Variants in STAB2 observed in about 807,000 individuals in gnomAD.
STAB2 encodes the protein stabilin-2.
Under a neutral mutation model 338.1 loss-of-function variants are expected in STAB2, and 288 were observed. The ratio of observed to expected loss-of-function variants is 0.85; its 90% CI spans 0.77 to 0.94. The LOEUF (loss-of-function observed/expected upper bound fraction) is 0.94, where lower values mean the gene tolerates loss of function less well. STAB2 is among the 40% of genes least tolerant of loss of function. STAB2 has a pLI of 0.00. For missense variants in STAB2, 3,141 were observed against 3,210.1 expected, an observed-to-expected ratio of 0.98 and a Z score of 0.52; for synonymous variants, 1,202 against 1,193.3, an observed-to-expected ratio of 1.01 and a Z score of -0.15.
intron 6 of STAB2, among the ~76,000 whole-genome samples, 154 bp from the exon 7 acceptor site, chr12:103,636,957 A>C (rs1269179886): frequency 1.3e-5 from 2 of 152,246 alleles, no homozygotes; most frequent in African/African-American, 4.8e-5. Flanking sequence ...TGGGAGACTA[A>C]GAAGAAGACA....
chr12:103,668,845 T>C lies in STAB2; in HGVS notation c.2172+116T>C, dbSNP rs1316566993. 5.8e-6 allele frequency: 5 copies of C among 865,270 alleles called. No homozygotes were observed. In the African/African-American group the frequency reaches 6.8e-5, roughly 12 times the overall value. The allele number at this position is 865,270 out of a possible 1,614,324, so 53.6% of individuals were successfully genotyped here. A position where few individuals can be genotyped will look rare whatever the true frequency, so the allele number is the denominator to read the frequency against. Reference sequence around the variant, plus strand: ...CAGGTGGCCCGTGCTTGCTGTTGTCTTCCTGCAGAGGAATCAAAGGTAGAT... The same window carrying C: ...CAGGTGGCCCGTGCTTGCTGTTGTCCTCCTGCAGAGGAATCAAAGGTAGAT... On this transcript the variant is annotated intron_variant, in intron 20 of 68. Transcript: ENST00000388887.
rs1300815026 is a variant in STAB2, at chr12:103,759,130, C to A, written c.7108-3C>A. 1.9e-6 allele frequency: 3 copies of A among 1,613,842 alleles called. No individual in the cohort carries two copies. Among genetic ancestry groups the A allele is most frequent in the South Asian group, 1.1e-5 (1 of 91,028 alleles). On this transcript the variant is annotated splice_polypyrimidine_tract_variant and splice_region_variant and intron_variant, in intron 64 of 68. Coordinates refer to ENST00000388887, the MANE Select transcript of STAB2 (RefSeq NM_017564.10). Reference sequence around the variant, plus strand: ...GCATTCTGTGTTTCTCCTTTTTTCTCAGACCTTGTCTGGGCGGGACATCGA... The same window carrying A: ...GCATTCTGTGTTTCTCCTTTTTTCTAAGACCTTGTCTGGGCGGGACATCGA...
At chr12:103,742,218 A>G (rs1004650709) in intron 55 of STAB2, among the ~76,000 whole-genome samples, 187 bp from the exon 56 acceptor site, 1 of 152,220 alleles carries the variant, frequency 6.6e-6, no homozygotes, top group Non-Finnish European at 1.5e-5. Context: ...CTGCCAAGAC[A>G]GAATCATATC....
intron 34 of STAB2, among the ~76,000 whole-genome samples, chr12:103,702,314 C>T (rs1224458752): frequency 2.8e-5 from 4 of 142,948 alleles, no homozygotes; most frequent in South Asian, 4.3e-4. Flanking sequence ...TTTTTTGAGA[C>T]GGAGTCTCGC....
At chr12:103,671,738 CAT>C (rs1463976440) in intron 22 of STAB2, among the ~76,000 whole-genome samples, 2 of 152,116 alleles carry the variant, frequency 1.3e-5, no homozygotes, top group Non-Finnish European at 2.9e-5. Context: ...AGTACAGTGA[CAT>C]AAATATCAAG....
chr12:103,736,405 C>T (rs979922876), intron 52 of STAB2, among the ~76,000 whole-genome samples: 1 of 152,170 alleles, frequency 6.6e-6, no homozygotes, highest in African/African-American at 2.4e-5. Flanking sequence ...CATCTTATGA[C>T]CAGTATCCCT....
chr12:103,630,290 G>A (rs1254910808), intron 5 of STAB2, among the ~76,000 whole-genome samples: 1 of 152,148 alleles, frequency 6.6e-6, no homozygotes, highest in Non-Finnish European at 1.5e-5. Context: ...AGAAAACAAA[G>A]GATTTGATGG....
Position 103,668,696 on chromosome 12 carries a change from C to T in STAB2, c.2139C>T (p.Ser713=), listed in dbSNP as rs1034319811. The part of the protein sequence containing the change: ...VYSGRFGSLK[S]GCARYCNATV... Reference sequence around the variant, plus strand: ...GTGGCAGGTTTGGGAGCCTGAAGAGCGGCTGTGCCCGGTACTGCAATGCCA... The same window carrying T: ...GTGGCAGGTTTGGGAGCCTGAAGAGTGGCTGTGCCCGGTACTGCAATGCCA... Residue 713 remains serine, a synonymous_variant, in exon 20 of 69, where the codon AGC becomes AGT. Transcript: ENST00000388887. 29 of 1,549,956 alleles carry T rather than the reference C, an allele frequency of 1.9e-5. No homozygotes were observed. The highest frequency in any genetic ancestry group is 1.7e-4 in the Middle Eastern group (1 of 5,978).
chr12:103,712,147 T>C (rs1288184927), intron 40 of STAB2, among the ~76,000 whole-genome samples: 1 of 152,224 alleles, frequency 6.6e-6, no homozygotes, highest in African/African-American at 2.4e-5. Context: ...CTGACACCTA[T>C]ATCTATGCAC....
intron 6 of STAB2, among the ~76,000 whole-genome samples, chr12:103,636,461 T>A (rs868585814): frequency 6.6e-5 from 10 of 151,282 alleles, no homozygotes; most frequent in East Asian, 5.9e-4. Flanking sequence ...GCCCATTTTT[T>A]AAAAAAAATA....
At chr12:103,648,875 G>T (rs775548282) in intron 10 of STAB2, 52 bp downstream of exon 10, 1 of 1,595,046 alleles carries the variant, frequency 6.3e-7, no homozygotes, top group South Asian at 1.1e-5. Flanking sequence ...TTCAGGAAAG[G>T]GCATCTGCAA....
At chr12:103,749,427 GCTATAGT>G (rs1227079099) in intron 59 of STAB2, among the ~76,000 whole-genome samples, 1 of 152,138 alleles carries the variant, frequency 6.6e-6, no homozygotes, top group Non-Finnish European at 1.5e-5. Flanking sequence ...TGACTAATGT[GCTATAGT>G]TATGTTGGAC....
intron 58 of STAB2, among the ~76,000 whole-genome samples, chr12:103,748,011 AAAAGGG>A (rs1883211980): frequency 6.6e-6 from 1 of 151,784 alleles, no homozygotes; most frequent in African/African-American, 2.4e-5. Context: ...AAAAAAAAAA[AAAAGGG>A]AAGAAGAAGA....
At chr12:103,720,648 A>G (rs1169003500) in intron 44 of STAB2, among the ~76,000 whole-genome samples, 1 of 152,220 alleles carries the variant, frequency 6.6e-6, no homozygotes, top group Non-Finnish European at 1.5e-5. Context: ...ATTTCTGCTC[A>G]AGTCCTACCA....
Position 103,729,796 on chromosome 12 carries a change from G to GA in STAB2, c.5083-314dup, listed in dbSNP as rs369556717. The stretch of plus-strand genomic sequence containing the variant: ...GTGACTGTAGAATTCCTTGCAGAAG[G>GA]AAAAAAGCCAGGGGAGGAGGTATAG... On this transcript the variant is annotated intron_variant, in intron 48 of 68. Coordinates refer to ENST00000388887, the MANE Select transcript of STAB2 (RefSeq NM_017564.10). 1.1e-3 allele frequency among the ~76,000 whole-genome samples: 163 copies of GA among 152,220 alleles called. 2 individuals carry two copies. The highest frequency in any genetic ancestry group is 0.01 in the Middle Eastern group (3 of 294).
At chr12:103,725,267 C>A (rs79815488) in intron 45 of STAB2, among the ~76,000 whole-genome samples, 173 bp downstream of exon 45, 4,387 of 152,266 alleles carry the variant, frequency 0.029, 83 homozygotes, top group African/African-American at 0.044. Flanking sequence ...TCTGGGAATT[C>A]ATTTGACCTG....
rs918608084 is a variant in STAB2, at chr12:103,705,546, G to A, written c.3901-86G>A. The A allele has an allele frequency of 4.7e-6, 5 of 1,056,232 alleles. No homozygotes were observed. The Admixed American group carries it at 5.7e-5, about 12-fold the overall frequency. 65.4% of individuals were successfully genotyped at this position (1,056,232 alleles called of 1,614,324 possible). A position where few individuals can be genotyped will look rare whatever the true frequency, so the allele number is the denominator to read the frequency against. ...CCACAACACTTTAGTCAGAGAGACA[G>A]CAATGCATCACCCACCTACTTGCTT... On this transcript the variant is annotated intron_variant, in intron 36 of 68. Coordinates refer to ENST00000388887, the MANE Select transcript of STAB2 (RefSeq NM_017564.10).
At chr12:103,607,068 C>T (rs1002016398) in intron 3 of STAB2, among the ~76,000 whole-genome samples, 7 of 152,106 alleles carry the variant, frequency 4.6e-5, no homozygotes, top group Non-Finnish European at 8.8e-5. Context: ...ATAATAAATC[C>T]TTTTTCCCTT....
chr12:103,649,886 T>A (rs369107007), intron 10 of STAB2, among the ~76,000 whole-genome samples: 9 of 152,198 alleles, frequency 5.9e-5, no homozygotes, highest in East Asian at 5.8e-4. Flanking sequence ...GACAGAGTCC[T>A]GTTGACCTTT....
Sources: allele counts gnomAD v4.1 joint callset (sites outside exome capture counted in the v4.1 genomes callset), GRCh38; gene constraint gnomAD v4.1.1; transcripts MANE v1.5; gene names NCBI Gene and HGNC (gene_info 2026-07-23, HGNC 2026-07-21).